Variants in TUSC1 observed in about 807,000 individuals in gnomAD.
TUSC1 encodes the protein tumor suppressor candidate gene 1 protein.
Under a neutral mutation model 5.2 loss-of-function variants are expected in TUSC1, and 8 were observed. That is an observed-to-expected ratio of 1.54 (90% CI 0.90 to 2.77). The LOEUF is 2.77. Among genes scored for constraint, TUSC1 ranks in the 30% most tolerant of loss-of-function variants. The pLI is 0.00. For synonymous variants in TUSC1, 192 were observed against 144.2 expected, an observed-to-expected ratio of 1.33 and a Z score of -2.37; for missense variants, 442 against 324.2, an observed-to-expected ratio of 1.36 and a Z score of -2.79.
In TUSC1 at chr9:25,678,053, C is replaced by G; in HGVS notation, c.260G>C (p.Arg87Pro). 1.9e-6 allele frequency: 3 copies of G among 1,584,476 alleles called. No individual in the cohort carries two copies. Among genetic ancestry groups the G allele is most frequent in the Non-Finnish European group, 2.6e-6 (3 of 1,171,820 alleles). The change falls in exon 1 of 1, where the codon CGT (arginine) becomes CCT (proline). Residue 87 changes from arginine to proline, a missense_variant. Transcript: ENST00000358022. Reference sequence around the variant, plus strand: ...GAGCCGCAGCCGGGCGTTCTCCTGACGCAGCCGCGCGTTCTGCCGGTCCCA... The same window carrying G: ...GAGCCGCAGCCGGGCGTTCTCCTGAGGCAGCCGCGCGTTCTGCCGGTCCCA... ...DEWDRQNARL[R>P]QENARLRLEN...
chr9:25,677,716 G>A lies in TUSC1; in HGVS notation c.597C>T (p.Ser199=). Residue 199 remains serine (S), a synonymous_variant, in exon 1 of 1, where the codon TCC becomes TCT. Transcript: ENST00000358022. ...AGGGCCCAGAGGGCTCCGAGTCCCGGGAGCGGAGGCCGGAGTCGGGTTCCT... is the reference window on the plus strand; with the variant it reads ...AGGGCCCAGAGGGCTCCGAGTCCCGAGAGCGGAGGCCGGAGTCGGGTTCCT... ...PLQEPDSGLR[S]RDSEPSGPWL 1.3e-6 allele frequency: 2 copies of A among 1,560,658 alleles called. No individual in the cohort carries two copies. Among genetic ancestry groups the A allele is most frequent in the East Asian group, 2.4e-5 (1 of 41,812 alleles).
In TUSC1 at chr9:25,677,524, G is replaced by A; in HGVS notation, c.*159C>T. 2 of 1,369,520 alleles carry A rather than the reference G, an allele frequency of 1.5e-6. No homozygotes were observed. Among genetic ancestry groups the A allele is most frequent in the African/African-American group, 1.5e-5 (1 of 68,520 alleles). The allele number at this position is 1,369,520 out of a possible 1,614,324, so 84.8% of individuals were successfully genotyped here. A position where few individuals can be genotyped will look rare whatever the true frequency, so the allele number is the denominator to read the frequency against. ...ACCTCCACCAAGCGGATGGCCAAGC[G>A]CCACCCGGAAGTGTCCACTGGTGGG... On this transcript the variant is annotated 3_prime_UTR_variant, in exon 1 of 1. Coordinates refer to ENST00000358022, the MANE Select transcript of TUSC1 (RefSeq NM_001004125.3).
rs1332561914 is a variant in TUSC1 at position 25,677,900 on chromosome 9, C to G, written c.413G>C (p.Arg138Thr). 3.2e-6 allele frequency: 5 copies of G among 1,584,148 alleles called. No individual in the cohort carries two copies. The highest frequency in any genetic ancestry group is 3.4e-6 in the Non-Finnish European group (4 of 1,168,984). ...RVPEEASTNRRARDSGREDEP... is the reference protein window; with the variant it reads ...RVPEEASTNRTARDSGREDEP... ...GTCCTCTCGGCCGCTGTCTCTAGCC[C>G]TCCGGTTCGTGCTGGCCTCTTCAGG... The change falls in exon 1 of 1, where the codon AGG becomes ACG. Residue 138 changes from arginine (R) to threonine (T), a missense_variant. Transcript: ENST00000358022.
rs769272711 is a variant in TUSC1, at chr9:25,678,291, C to T, written c.22G>A (p.Ala8Thr). 1.5e-5 allele frequency: 22 copies of T among 1,468,096 alleles called. No individual in the cohort carries two copies. The highest frequency in any genetic ancestry group is 7.2e-5 in the Admixed American group (3 of 41,466). 90.9% of individuals were successfully genotyped at this position (1,468,096 alleles called of 1,614,324 possible). The change falls in exon 1 of 1, where the codon GCC becomes ACC. Residue 8 changes from alanine to threonine, a missense_variant. Coordinates refer to ENST00000358022, the MANE Select transcript of TUSC1 (RefSeq NM_001004125.3). MWRMRGG[A>T]TRRGSCCGGD... ...CCGCAGCAACTCCCGCGCCTAGTGG[C>T]GCCACCACGCATGCGCCACATCGGT...
Position 25,678,256 on chromosome 9 carries a change from A to AC in TUSC1, c.56dup (p.Ala20CysfsTer112). ...GGCCTGGCCCTCGGCCGTCCGCAGC[A>AC]CCGTCCCCGCCGCAGCAACTCCCGC... is the stretch of plus-strand genomic sequence containing the variant. On this transcript the variant is annotated frameshift_variant, in exon 1 of 1. Coordinates refer to ENST00000358022, the MANE Select transcript of TUSC1 (RefSeq NM_001004125.3). LOFTEE classifies it high-confidence loss of function. 4 of 1,448,020 alleles carry AC rather than the reference A, an allele frequency of 2.8e-6. No homozygotes were observed. The highest frequency in any genetic ancestry group is 3.6e-6 in the Non-Finnish European group (4 of 1,102,840). The allele number at this position is 1,448,020 out of a possible 1,614,324, so 89.7% of individuals were successfully genotyped here. A position where few individuals can be genotyped will look rare whatever the true frequency, so the allele number is the denominator to read the frequency against.
In TUSC1 at chr9:25,677,449, G is replaced by A. The variant is rs756571366; in HGVS notation, c.*234C>T. 4.8e-5 allele frequency: 31 copies of A among 652,552 alleles called. No homozygotes were observed. Among genetic ancestry groups the A allele is most frequent in the Non-Finnish European group, 7.2e-5 (30 of 417,842 alleles). 40.4% of individuals were successfully genotyped at this position (652,552 alleles called of 1,614,324 possible). On this transcript the variant is annotated 3_prime_UTR_variant, in exon 1 of 1. Coordinates refer to ENST00000358022, the MANE Select transcript of TUSC1 (RefSeq NM_001004125.3). ...CCAGGGAAACTAGCCGGGGCAAGAG[G>A]CAGGGGAACTGTACATGTGGGAGGT...
In TUSC1 at chr9:25,678,431, G is replaced by T; in HGVS notation, c.-119C>A. The T allele has an allele frequency of 9.9e-7, 1 of 1,010,096 alleles. No individual in the cohort carries two copies. The highest frequency in any genetic ancestry group is 1.3e-6 in the Non-Finnish European group (1 of 777,880). The allele number at this position is 1,010,096 out of a possible 1,614,324, so 62.6% of individuals were successfully genotyped here. A position where few individuals can be genotyped will look rare whatever the true frequency, so the allele number is the denominator to read the frequency against. On this transcript the variant is annotated 5_prime_UTR_variant, in exon 1 of 1. Coordinates refer to ENST00000358022, the MANE Select transcript of TUSC1 (RefSeq NM_001004125.3). ...ACGACGGAGGAGGAGAGGAGGTCGC[G>T]GGCGGCGGCTGCTGGCTTAGAGCCA...
At position 25,678,187 on chromosome 9, in the gene TUSC1, G is replaced by A; in HGVS notation, c.126C>T (p.Gly42=). The part of the protein sequence containing the change: ...ARGGGSPSGG[G]GGVGWRGRAD... Reference sequence around the variant, plus strand: ...CGCGGCCTCGCCAGCCCACGCCGCCGCCGCCGCCGCTGGGGCTGCCCCCAC... The same window carrying A: ...CGCGGCCTCGCCAGCCCACGCCGCCACCGCCGCCGCTGGGGCTGCCCCCAC... Residue 42 remains glycine, a synonymous_variant, in exon 1 of 1, where the codon GGC becomes GGT. Transcript: ENST00000358022. 6 of 1,376,546 alleles carry A rather than the reference G, an allele frequency of 4.4e-6. No individual in the cohort carries two copies. The South Asian group carries it at 8.5e-5, about 19-fold the overall frequency. 85.3% of individuals were successfully genotyped at this position (1,376,546 alleles called of 1,614,324 possible).
chr9:25,677,413 T>C lies in TUSC1; in HGVS notation c.*270A>G. 2.1e-6 allele frequency: 1 copy of C among 486,992 alleles called. No individual in the cohort carries two copies. Among genetic ancestry groups the C allele is most frequent in the Non-Finnish European group, 3.5e-6 (1 of 286,930 alleles). The allele number at this position is 486,992 out of a possible 1,614,324, so 30.2% of individuals were successfully genotyped here. ...TAAAATCCGTCCCTTCGTTGTTGGCTAGGCCTCTCTCCAGGGAAACTAGCC... is the reference window on the plus strand; with the variant it reads ...TAAAATCCGTCCCTTCGTTGTTGGCCAGGCCTCTCTCCAGGGAAACTAGCC... On this transcript the variant is annotated 3_prime_UTR_variant, in exon 1 of 1. Transcript: ENST00000358022.
At position 25,678,431 on chromosome 9, in the gene TUSC1, G is replaced by A. The variant is rs938943067; in HGVS notation, c.-119C>T. ...ACGACGGAGGAGGAGAGGAGGTCGC[G>A]GGCGGCGGCTGCTGGCTTAGAGCCA... On this transcript the variant is annotated 5_prime_UTR_variant, in exon 1 of 1. Transcript: ENST00000358022. 9.9e-7 allele frequency: 1 copy of A among 1,010,098 alleles called. No homozygotes were observed. The highest frequency in any genetic ancestry group is 1.3e-6 in the Non-Finnish European group (1 of 777,880). The allele number at this position is 1,010,098 out of a possible 1,614,324, so 62.6% of individuals were successfully genotyped here.
Position 25,678,232 on chromosome 9 carries a change from G to C in TUSC1, c.81C>G (p.Gly27=), listed in dbSNP as rs1819091332. The C allele has an allele frequency of 7.2e-7, 1 of 1,384,456 alleles. No homozygotes were observed. Among genetic ancestry groups the C allele is most frequent in the East Asian group, 3.3e-5 (1 of 30,710 alleles). 85.8% of individuals were successfully genotyped at this position (1,384,456 alleles called of 1,614,324 possible). The change falls in exon 1 of 1, where the codon GGC becomes GGG. Residue 27 remains glycine (G), a synonymous_variant. Coordinates refer to ENST00000358022, the MANE Select transcript of TUSC1 (RefSeq NM_001004125.3). ...GDGAADGRGP[G]RSGRARGGGS... is the part of the protein sequence containing the mutation. ...CCCCACCACGAGCCCGGCCGGAGCG[G>C]CCTGGCCCTCGGCCGTCCGCAGCAC...
At position 25,678,186 on chromosome 9, in the gene TUSC1, C is replaced by CGCCGCCGCCGCTGGGGCT. The variant is rs1587012671; in HGVS notation, c.109_126dup (p.Ser37_Gly42dup). 7.3e-7 allele frequency: 1 copy of CGCCGCCGCCGCTGGGGCT among 1,376,804 alleles called. No homozygotes were observed. Among genetic ancestry groups the CGCCGCCGCCGCTGGGGCT allele is most frequent in the East Asian group, 3.1e-5 (1 of 32,348 alleles). The allele number at this position is 1,376,804 out of a possible 1,614,324, so 85.3% of individuals were successfully genotyped here. A position where few individuals can be genotyped will look rare whatever the true frequency, so the allele number is the denominator to read the frequency against. On this transcript the variant is annotated inframe_insertion, in exon 1 of 1. Transcript: ENST00000358022. ...GCGCGGCCTCGCCAGCCCACGCCGCCGCCGCCGCCGCTGGGGCTGCCCCCA... is the reference window on the plus strand; with the variant it reads ...GCGCGGCCTCGCCAGCCCACGCCGCCGCCGCCGCCGCTGGGGCTGCCGCCGCCGCTGGGGCTGCCCCCA...
chr9:25,677,730 A>T lies in TUSC1; in HGVS notation c.583T>A (p.Ser195Thr). 6.4e-7 allele frequency: 1 copy of T among 1,568,832 alleles called. No homozygotes were observed. Among genetic ancestry groups the T allele is most frequent in the Non-Finnish European group, 8.6e-7 (1 of 1,157,214 alleles). The change falls in exon 1 of 1, where the codon TCC becomes ACC. Residue 195 changes from serine to threonine, a missense_variant. By Grantham distance (58) the Ser-to-Thr change is moderately conservative (BLOSUM62 1). Coordinates refer to ENST00000358022, the MANE Select transcript of TUSC1 (RefSeq NM_001004125.3). ...TCCGAGTCCCGGGAGCGGAGGCCGG[A>T]GTCGGGTTCCTGTAGAGGCTGCTCC... ...KEEQPLQEPD[S>T]GLRSRDSEPS... is the part of the protein sequence containing the mutation.
rs1471066772 is a variant in TUSC1 at position 25,677,360 on chromosome 9, G to T, written c.*323C>A. On this transcript the variant is annotated 3_prime_UTR_variant, in exon 1 of 1. Transcript: ENST00000358022. ...CAGAAAAGTTCAGGGAATATGAAGT[G>T]TTTCTTGGCACCCAGTTCTCGCTGT... is the stretch of plus-strand genomic sequence containing the variant. 8.0e-6 allele frequency: 3 copies of T among 375,882 alleles called. 1 individual carries two copies. The highest frequency in any genetic ancestry group is 1.4e-5 in the Non-Finnish European group (3 of 210,600). 23.3% of individuals were successfully genotyped at this position (375,882 alleles called of 1,614,324 possible).
chr9:25,678,144 G>A lies in TUSC1; in HGVS notation c.169C>T (p.Gln57Ter), dbSNP rs1819088221. Residue 57 changes from glutamine (Q) to a stop codon, truncating the protein, a stop_gained, in exon 1 of 1, where the codon CAG (glutamine) becomes TAG (stop). Transcript: ENST00000358022. LOFTEE classifies it high-confidence loss of function. Reference protein sequence around the residue: ...WRGRADGARQQLEERFADLAA... With the variant: ...WRGRADGARQ ...AGGTCGGCAAACCGCTCCTCCAGCT[G>A]CTGTCGGGCGCCGTCCGCGCGGCCT... 2.0e-6 allele frequency: 3 copies of A among 1,491,298 alleles called. No individual in the cohort carries two copies. The highest frequency in any genetic ancestry group is 2.3e-5 in the Admixed American group (1 of 44,270). The allele number at this position is 1,491,298 out of a possible 1,614,324, so 92.4% of individuals were successfully genotyped here.
At position 25,677,513 on chromosome 9, in the gene TUSC1, G is replaced by C; in HGVS notation, c.*170C>G. ...GCACCCACTCGACCTCCACCAAGCGGATGGCCAAGCGCCACCCGGAAGTGT... is the reference window on the plus strand; with the variant it reads ...GCACCCACTCGACCTCCACCAAGCGCATGGCCAAGCGCCACCCGGAAGTGT... On this transcript the variant is annotated 3_prime_UTR_variant, in exon 1 of 1. Coordinates refer to ENST00000358022, the MANE Select transcript of TUSC1 (RefSeq NM_001004125.3). 7.6e-7 allele frequency: 1 copy of C among 1,324,062 alleles called. No homozygotes were observed. The highest frequency in any genetic ancestry group is 2.6e-5 in the East Asian group (1 of 39,162). The allele number at this position is 1,324,062 out of a possible 1,614,324, so 82.0% of individuals were successfully genotyped here.
chr9:25,678,163 G>T lies in TUSC1; in HGVS notation c.150C>A (p.Arg50=). 2.7e-6 allele frequency: 4 copies of T among 1,456,626 alleles called. No homozygotes were observed. Among genetic ancestry groups the T allele is most frequent in the Non-Finnish European group, 3.6e-6 (4 of 1,112,056 alleles). 90.2% of individuals were successfully genotyped at this position (1,456,626 alleles called of 1,614,324 possible). ...CCAGCTGCTGTCGGGCGCCGTCCGC[G>T]CGGCCTCGCCAGCCCACGCCGCCGC... is the stretch of plus-strand genomic sequence containing the variant. ...GGGGGVGWRG[R]ADGARQQLEE... is the part of the protein sequence containing the mutation. The change falls in exon 1 of 1, where the codon CGC becomes CGA. Residue 50 remains arginine (R), a synonymous_variant. Coordinates refer to ENST00000358022, the MANE Select transcript of TUSC1 (RefSeq NM_001004125.3).
Position 25,677,473 on chromosome 9 carries a change from G to T in TUSC1, c.*210C>A. Reference sequence around the variant, plus strand: ...GGCAGGGGAACTGTACATGTGGGAGGTCCTGAGGGCCCTTGCACCCACTCG... The same window carrying T: ...GGCAGGGGAACTGTACATGTGGGAGTTCCTGAGGGCCCTTGCACCCACTCG... On this transcript the variant is annotated 3_prime_UTR_variant, in exon 1 of 1. Transcript: ENST00000358022. The T allele has an allele frequency of 1.1e-6, 1 of 886,660 alleles. No individual in the cohort carries two copies. The highest frequency in any genetic ancestry group is 1.7e-6 in the Non-Finnish European group (1 of 605,720). The allele number at this position is 886,660 out of a possible 1,614,324, so 54.9% of individuals were successfully genotyped here.
At position 25,678,308 on chromosome 9, in the gene TUSC1, C is replaced by A; in HGVS notation, c.5G>T (p.Trp2Leu). Residue 2 changes from tryptophan (W) to leucine (L), a missense_variant, in exon 1 of 1, where the codon TGG becomes TTG. Physicochemically the swap from Trp to Leu is moderately conservative, Grantham distance 61. Coordinates refer to ENST00000358022, the MANE Select transcript of TUSC1 (RefSeq NM_001004125.3). Reference protein sequence around the residue: MWRMRGGATRRG... With the variant: MLRMRGGATRRG... The stretch of plus-strand genomic sequence containing the variant: ...CCTAGTGGCGCCACCACGCATGCGC[C>A]ACATCGGTCCCATCCCAACCGCGCC... The A allele has an allele frequency of 1.4e-6, 2 of 1,466,892 alleles. No homozygotes were observed. Among genetic ancestry groups the A allele is most frequent in the Non-Finnish European group, 1.8e-6 (2 of 1,109,618 alleles). The allele number at this position is 1,466,892 out of a possible 1,614,324, so 90.9% of individuals were successfully genotyped here. A position where few individuals can be genotyped will look rare whatever the true frequency, so the allele number is the denominator to read the frequency against.
Sources: gnomAD v4.1 joint callset for allele counts on GRCh38, gnomAD v4.1.1 for gene constraint, MANE v1.5 for transcripts, NCBI Gene and HGNC (gene_info 2026-07-23, HGNC 2026-07-21) for gene names.